The following ERCC5 variants were observed in gnomAD, a reference collection of about 807,000 sequenced individuals.
ERCC5 encodes DNA excision repair protein ERCC-5.
A neutral mutation model predicts 105.6 loss-of-function variants in ERCC5; 68 were observed. The observed-to-expected ratio is 0.64, with a 90% confidence interval of 0.53 to 0.79. The LOEUF is 0.79. ERCC5 is among the 30% of genes least tolerant of loss of function. The pLI is 0.00. For missense variants in ERCC5, 1,373 were observed against 1,426.7 expected (o/e 0.96, Z 0.61); for synonymous variants, 546 against 526.2 (o/e 1.04, Z -0.51).
intron 1 of ERCC5, among the ~76,000 whole-genome samples, chr13:102,846,643 A>G (rs1881978135): frequency 6.6e-6 from 1 of 152,186 alleles, no homozygotes; most frequent in Non-Finnish European, 1.5e-5. Context: ...AATCTTTTAA[A>G]TCGTTTCTAG....
Position 102,873,020 on chromosome 13 carries a change from A to G in ERCC5, c.2880-239A>G, listed in dbSNP as rs76476666. ...CTTTTTTCATAGTCACAAGTCTTTGATGTCCTAAAGTGAGAGCTAAATATG... is the reference window on the plus strand; with the variant it reads ...CTTTTTTCATAGTCACAAGTCTTTGGTGTCCTAAAGTGAGAGCTAAATATG... On this transcript the variant is annotated intron_variant, in intron 13 of 14. Transcript: ENST00000652225. Among the ~76,000 whole-genome samples, 391 of 152,308 alleles carry G rather than the reference A, an allele frequency of 2.6e-3. 1 individual carries two copies. Among genetic ancestry groups the G allele is most frequent in the African/African-American group, 9.0e-3 (374 of 41,566 alleles).
At chr13:102,848,035 T>A (rs1882045947) in intron 1 of ERCC5, among the ~76,000 whole-genome samples, 1 of 152,178 alleles carries the variant, frequency 6.6e-6, no homozygotes, top group South Asian at 2.1e-4. Context: ...GGCCTGCACC[T>A]TTGGTCCCAG....
chr13:102,875,739 G>C lies in ERCC5; in HGVS notation c.3397G>C (p.Val1133Leu), dbSNP rs1286410255. Residue 1133 changes from valine to leucine, a missense_variant, in exon 15 of 15, where the codon GTG becomes CTG. Coordinates refer to ENST00000652225, the MANE Select transcript of ERCC5 (RefSeq NM_000123.4). ...KTSASDSQNS[V>L]KEAPVKNGGA... ...CAGTGCTTCAGATTCGCAGAACTCA[G>C]TGAAGGAAGCTCCCGTGAAGAATGG... The C allele has an allele frequency of 6.2e-7, 1 of 1,614,196 alleles. No homozygotes were observed. Among genetic ancestry groups the C allele is most frequent in the Non-Finnish European group, 8.5e-7 (1 of 1,180,044 alleles).
Position 102,862,617 on chromosome 13 carries a change from G to A in ERCC5, c.1468G>A (p.Asp490Asn). ...HVGTEAFPIS[D>N]ESMIKDRKDR... ...GGGGACTGAAGCCTTTCCGATAAGT[G>A]ATGAGTCTATGATTAAGGACAGAAA... is the stretch of plus-strand genomic sequence containing the variant. Residue 490 changes from aspartate (D) to asparagine (N), a missense_variant, in exon 8 of 15, where the codon GAT becomes AAT. Physicochemically the swap from Asp to Asn is conservative, Grantham distance 23 (BLOSUM62 1). This residue lies in a region of ERCC5 where 1,004 missense variants were observed against 1,059.7 expected (regional missense o/e 0.95). Transcript: ENST00000652225. The A allele has an allele frequency of 6.2e-7, 1 of 1,614,164 alleles. No homozygotes were observed. Among genetic ancestry groups the A allele is most frequent in the Non-Finnish European group, 8.5e-7 (1 of 1,180,032 alleles).
chr13:102,855,242 CCTT>C (rs1244379801), intron 4 of ERCC5, among the ~76,000 whole-genome samples: 8 of 152,012 alleles, frequency 5.3e-5, no homozygotes, highest in African/African-American at 1.9e-4. Flanking sequence ...TCTAGCTTCT[CCTT>C]CTCATTTTTT....
chr13:102,861,209 G>T (rs994642933), intron 6 of ERCC5, among the ~76,000 whole-genome samples: 13 of 151,918 alleles, frequency 8.6e-5, no homozygotes, highest in African/African-American at 3.1e-4. Flanking sequence ...GGCTGGTCTC[G>T]AACTCCTGAC....
chr13:102,864,542 TGGCCA>T lies in ERCC5; in HGVS notation c.1955-1124_1955-1120del. On this transcript the variant is annotated intron_variant, in intron 8 of 14. Transcript: ENST00000652225. ...TTTGTTACTCAAATTATCACAGCTT[TGGCCA>T]TTGGGGCTCCTTCTAATGGCTTTCA... Among the ~76,000 whole-genome samples the T allele has an allele frequency of 1.3e-5, 2 of 152,350 alleles. 1 individual carries two copies. Among genetic ancestry groups the T allele is most frequent in the Middle Eastern group, 6.8e-3 (2 of 294 alleles).
chr13:102,859,452 G>A (rs1406128144), intron 6 of ERCC5, among the ~76,000 whole-genome samples: 4 of 152,252 alleles, frequency 2.6e-5, no homozygotes, highest in Admixed American at 1.3e-4. Context: ...AAGGACAGAA[G>A]TAAATTGATT....
At chr13:102,848,848 ACC>A in intron 1 of ERCC5, among the ~76,000 whole-genome samples, 1 of 152,168 alleles carries the variant, frequency 6.6e-6, no homozygotes, top group East Asian at 1.9e-4. Context: ...AAAATTCTCA[ACC>A]CTAGCTGAGA....
At position 102,846,049 on chromosome 13, in the gene ERCC5, C is replaced by T. The variant is rs569999373; in HGVS notation, c.-218C>T. 66 of 571,856 alleles carry T rather than the reference C, an allele frequency of 1.2e-4. 1 individual carries two copies. In the African/African-American group the frequency reaches 1.2e-3, roughly 10 times the overall value. The allele number at this position is 571,856 out of a possible 1,614,324, so 35.4% of individuals were successfully genotyped here. ...CTGTCTTTCTTCCGGGAGGCGGTGA[C>T]AGCTGCTGAGACGTGTTGCAGCCAG... is the stretch of plus-strand genomic sequence containing the variant. On this transcript the variant is annotated 5_prime_UTR_variant, in exon 1 of 15. Transcript: ENST00000652225.
At chr13:102,846,822 C>G (rs1881985670) in intron 1 of ERCC5, among the ~76,000 whole-genome samples, 1 of 152,196 alleles carries the variant, frequency 6.6e-6, no homozygotes, top group East Asian at 1.9e-4. Flanking sequence ...TGAGGCGGGC[C>G]GCCCTGTCTG....
At chr13:102,868,949 C>T (rs1488999129) in intron 12 of ERCC5, among the ~76,000 whole-genome samples, 1 of 152,216 alleles carries the variant, frequency 6.6e-6, no homozygotes, top group East Asian at 1.9e-4. Context: ...AATATAGTCA[C>T]ATACCACAGA....
chr13:102,854,528 G>A (rs1477983212), intron 4 of ERCC5, among the ~76,000 whole-genome samples, 154 bp downstream of exon 4: 1 of 152,160 alleles, frequency 6.6e-6, no homozygotes, highest in African/African-American at 2.4e-5. Context: ...ATTTTTCAAA[G>A]ACTAAATTTT....
In ERCC5 at chr13:102,846,527, C is replaced by T. The variant is rs189051467; in HGVS notation, c.88+173C>T. 2.5e-3 allele frequency among the ~76,000 whole-genome samples: 388 copies of T among 152,210 alleles called. 3 individuals carry two copies. Among genetic ancestry groups the T allele is most frequent in the African/African-American group, 8.7e-3 (362 of 41,534 alleles). ...CTAAGTACAGTCGTCCCTCGGTATC[C>T]CCGGGGCTTTGGTTCCAGCCCCTCC... On this transcript the variant is annotated intron_variant, in intron 1 of 14. Coordinates refer to ENST00000652225, the MANE Select transcript of ERCC5 (RefSeq NM_000123.4).
In ERCC5 at chr13:102,846,345, C is replaced by T. The variant is rs1016196215; in HGVS notation, c.79C>T (p.Leu27=). 5 of 1,614,082 alleles carry T rather than the reference C, an allele frequency of 3.1e-6. No individual in the cohort carries two copies. The highest frequency in any genetic ancestry group is 4.2e-6 in the Non-Finnish European group (5 of 1,179,976). ...VSPEALEGKI[L]AVDISIWLNQ... ...CCCCGAAGCGCTGGAAGGGAAGATCCTGGCTGTTGGTATCCTTAACGCCGC... is the reference window on the plus strand; with the variant it reads ...CCCCGAAGCGCTGGAAGGGAAGATCTTGGCTGTTGGTATCCTTAACGCCGC... Residue 27 remains leucine, a synonymous_variant, in exon 1 of 15, where the codon CTG becomes TTG. Transcript: ENST00000652225.
rs776324799 is a variant in ERCC5 at position 102,866,760 on chromosome 13, T to C, written c.2448T>C (p.Phe816=). ...CTGATGACAGTGATATCTGGCTGTT[T>C]GGAGCGCGGCATGTCTATAGAAACT... ...TITDDSDIWL[F]GARHVYRNFF... is the part of the protein sequence containing the mutation. The change falls in exon 11 of 15, where the codon TTT becomes TTC. Residue 816 remains phenylalanine (F), a synonymous_variant. Transcript: ENST00000652225. The C allele has an allele frequency of 1.2e-6, 2 of 1,614,276 alleles. No homozygotes were observed. Among genetic ancestry groups the C allele is most frequent in the South Asian group, 2.2e-5 (2 of 91,092 alleles).
In ERCC5 at chr13:102,852,722, C is replaced by A. The variant is rs575366218; in HGVS notation, c.264+429C>A. On this transcript the variant is annotated intron_variant, in intron 2 of 14. Transcript: ENST00000652225. Reference sequence around the variant, plus strand: ...AGGGGAATTGGATTTTAGGAGTAAGCAATGTTATGTGGTGCCAAGTGGTGA... The same window carrying A: ...AGGGGAATTGGATTTTAGGAGTAAGAAATGTTATGTGGTGCCAAGTGGTGA... Among the ~76,000 whole-genome samples the A allele has an allele frequency of 1.1e-4, 16 of 152,246 alleles. No homozygotes were observed. In the South Asian group the frequency reaches 3.1e-3, roughly 30 times the overall value.
At chr13:102,870,776 C>G (rs543610368) in intron 12 of ERCC5, among the ~76,000 whole-genome samples, 1 of 152,196 alleles carries the variant, frequency 6.6e-6, no homozygotes, top group African/African-American at 2.4e-5. Flanking sequence ...ATCGGTGAGG[C>G]GGACCCTGGC....
chr13:102,854,657 C>G (rs994571391), intron 4 of ERCC5, among the ~76,000 whole-genome samples: 1 of 152,198 alleles, frequency 6.6e-6, no homozygotes, highest in African/African-American at 2.4e-5. Context: ...GTTTTGCTTA[C>G]ACTTTGCTTA....
Sources: gnomAD v4.1 joint callset for allele counts (sites outside exome capture counted in the v4.1 genomes callset) on GRCh38, gnomAD v4.1.1 for gene constraint, gnomAD v4.1.1 regional missense constraint, MANE v1.5 for transcripts, NCBI Gene and HGNC (gene_info 2026-07-23, HGNC 2026-07-21) for gene names.